Variants in GRK1 observed in about 807,000 individuals in gnomAD.
GRK1 encodes G protein-coupled receptor kinase 1, also known as rhodopsin kinase GRK1.
In GRK1, 28 loss-of-function variants were observed where a neutral mutation model predicts 41.7. The observed-to-expected ratio is 0.67, with a 90% CI of 0.50 to 0.92. The LOEUF is 0.92. Ranked by LOEUF, GRK1 falls within the 40% of genes least tolerant of loss-of-function variation. The pLI, the probability that GRK1 is intolerant of heterozygous loss-of-function variation, is 0.00. For synonymous variants in GRK1, 327 were observed against 286.7 expected, an observed-to-expected ratio of 1.14 and a Z score of -1.42; for missense variants, 703 against 671.2, an observed-to-expected ratio of 1.05 and a Z score of -0.52.
At chr13:113,658,393 T>A in the GRK1 span, among the ~76,000 whole-genome samples, 2 of 152,256 alleles carry the variant, frequency 1.3e-5, no homozygotes, top group African/African-American at 4.8e-5. Flanking sequence ...CCTGCTGCTC[T>A]TGGGACGCCC....
intron 6 of GRK1, among the ~76,000 whole-genome samples, chr13:113,734,061 CATGTGTGTGCGTGT>C (rs1411733776): frequency 7.3e-5 from 11 of 149,826 alleles, no homozygotes; most frequent in African/African-American, 2.5e-4. Flanking sequence ...CGTGTGTGTG[CATGTGTGTGCGTGT>C]ATGTGTGTGT....
At chr13:113,724,125 G>A (rs138282728) in intron 4 of GRK1, among the ~76,000 whole-genome samples, 123 of 152,278 alleles carry the variant, frequency 8.1e-4, no homozygotes, top group Middle Eastern at 3.4e-3. Flanking sequence ...GTGGAGGAGA[G>A]GAGACCCCCA....
In GRK1 at chr13:113,729,859, A is replaced by G. The variant is rs187785719; in HGVS notation, c.1070-1360A>G. ...GTCCTTCCATCCCGAGACAGTCCCC[A>G]TGGATGCGCCCAGACCCGTCCCTCC... On this transcript the variant is annotated intron_variant, in intron 4 of 6. Transcript: ENST00000335678. Among the ~76,000 whole-genome samples, 819 of 119,786 alleles carry G rather than the reference A, an allele frequency of 6.8e-3. 7 individuals carry two copies. The highest frequency in any genetic ancestry group is 0.026 in the African/African-American group (785 of 30,536). The allele number at this position is 119,786 out of a possible 152,430, so 78.6% of individuals were successfully genotyped here. A position where few individuals can be genotyped will look rare whatever the true frequency, so the allele number is the denominator to read the frequency against.
At chr13:113,648,653 G>A in the GRK1 span, among the ~76,000 whole-genome samples, 1 of 152,204 alleles carries the variant, frequency 6.6e-6, no homozygotes, top group East Asian at 1.9e-4. Context: ...AAGTGTGTTT[G>A]TAACTAACTG....
At chr13:113,733,968 G>GTGTGTGTATA (rs879935844) in intron 6 of GRK1, among the ~76,000 whole-genome samples, 2 of 124,968 alleles carry the variant, frequency 1.6e-5, no homozygotes, top group Admixed American at 1.8e-4. Flanking sequence ...ACGTGTGTGT[G>GTGTGTGTATA]CGTGTGTGCG....
At chr13:113,652,648 G>A in the GRK1 span, 21 of 642,798 alleles carry the variant, frequency 3.3e-5, no homozygotes, top group African/African-American at 3.6e-4. Flanking sequence ...ACATGTTTTA[G>A]AGGGCCGGCT....
At chr13:113,729,423 G>T (rs895349743) in intron 4 of GRK1, among the ~76,000 whole-genome samples, 3 of 152,228 alleles carry the variant, frequency 2.0e-5, no homozygotes, top group Non-Finnish European at 4.4e-5. Context: ...CATGTGATCT[G>T]CTTTCCCTCC....
At chr13:113,651,645 C>G in the GRK1 span, 2 of 1,585,736 alleles carry the variant, frequency 1.3e-6, no homozygotes, top group South Asian at 2.3e-5. Context: ...CTGGGGCAGC[C>G]CTGCCCGCCG....
In GRK1 at chr13:113,669,880, C is replaced by T. The variant is rs116444315; in HGVS notation, c.827+66C>T. 3,663 of 1,589,150 alleles carry T rather than the reference C, an allele frequency of 2.3e-3. 75 individuals carry two copies. The African/African-American group carries it at 0.044, about 19-fold the overall frequency. ...CCACTGGGTCAGGGTTTCCAGGGCCCGGGCTCCTTTCCACAGGCAGAGCCA... is the reference window on the plus strand; with the variant it reads ...CCACTGGGTCAGGGTTTCCAGGGCCTGGGCTCCTTTCCACAGGCAGAGCCA... On this transcript the variant is annotated intron_variant, in intron 2 of 6. Transcript: ENST00000335678.
chr13:113,666,918 G>A (rs1179948804), upstream of GRK1, among the ~76,000 whole-genome samples: 1 of 152,212 alleles, frequency 6.6e-6, no homozygotes, highest in Non-Finnish European at 1.5e-5. Context: ...CACATCCCAA[G>A]GAAACAGCAG....
At chr13:113,660,363 A>G in the GRK1 span, among the ~76,000 whole-genome samples, 1 of 152,118 alleles carries the variant, frequency 6.6e-6, no homozygotes, top group Non-Finnish European at 1.5e-5. Flanking sequence ...CACCCACCCA[A>G]CAGTCCTCAG....
At chr13:113,660,513 C>T in the GRK1 span, among the ~76,000 whole-genome samples, 4 of 152,164 alleles carry the variant, frequency 2.6e-5, no homozygotes, top group Non-Finnish European at 4.4e-5. Flanking sequence ...AATATGAAAA[C>T]GTCTGGGTTT....
At chr13:113,733,154 G>C (rs937898160) in intron 6 of GRK1, 69 bp downstream of exon 6, 3 of 1,447,306 alleles carry the variant, frequency 2.1e-6, no homozygotes, top group Non-Finnish European at 2.8e-6. Context: ...GTGTCCGCCC[G>C]GTCCAGCCTG....
the GRK1 span, among the ~76,000 whole-genome samples, chr13:113,653,721 T>C: frequency 1.3e-5 from 2 of 152,226 alleles, no homozygotes; most frequent in African/African-American, 4.8e-5. Context: ...TGACAGGTGA[T>C]GACTAATCCA....
chr13:113,727,543 CAAT>C (rs1406488677), intron 4 of GRK1, among the ~76,000 whole-genome samples: 31 of 151,836 alleles, frequency 2.0e-4, no homozygotes, highest in African/African-American at 7.5e-4. Context: ...GTACCCATGG[CAAT>C]GAGGAGTACC....
chr13:113,729,746 C>G (rs539074986), intron 4 of GRK1, among the ~76,000 whole-genome samples: 1 of 152,222 alleles, frequency 6.6e-6, no homozygotes, highest in Admixed American at 6.5e-5. Context: ...TGTGCCCAGA[C>G]CCGTCCCTCC....
chr13:113,667,915 T>C lies in GRK1; in HGVS notation c.529T>C (p.Trp177Arg), dbSNP rs1021474408. The stretch of plus-strand genomic sequence containing the variant: ...CCTGTACTTCCTGAGGTTCCTGCAG[T>C]GGAAGTGGCTGGAAGCCCAGCCCAT... ...GSLYFLRFLQ[W>R]KWLEAQPMGE... Residue 177 changes from tryptophan (W) to arginine (R), a missense_variant, in exon 1 of 7, where the codon TGG becomes CGG. Coordinates refer to ENST00000335678, the MANE Select transcript of GRK1 (RefSeq NM_002929.3). The surrounding 1 kb of genome is among the most constrained non-coding windows in gnomAD (Gnocchi z 7.5). The C allele has an allele frequency of 4.4e-6, 7 of 1,606,296 alleles. No individual in the cohort carries two copies. Among genetic ancestry groups the C allele is most frequent in the Non-Finnish European group, 6.0e-6 (7 of 1,176,352 alleles).
At chr13:113,653,660 C>A in the GRK1 span, among the ~76,000 whole-genome samples, 1 of 152,136 alleles carries the variant, frequency 6.6e-6, no homozygotes, top group Admixed American at 6.5e-5. Context: ...GGCTGGCTGC[C>A]ATGGTGGGGG....
At chr13:113,658,281 GC>G in the GRK1 span, 2 of 759,638 alleles carry the variant, frequency 2.6e-6, no homozygotes, top group Non-Finnish European at 3.9e-6. Context: ...CCAGGGAGAG[GC>G]CAGGGCCGTT....
Sources: gnomAD v4.1 joint callset for allele counts (sites outside exome capture counted in the v4.1 genomes callset) on GRCh38, gnomAD v4.1.1 for gene constraint, Gnocchi (gnomAD v3.1) non-coding constraint, MANE v1.5 for transcripts, NCBI Gene and HGNC (gene_info 2026-07-23, HGNC 2026-07-21) for gene names.